CNTNAP4: variants seen among roughly 807,000 people sequenced by gnomAD.
CNTNAP4 encodes contactin-associated protein-like 4.
Under a neutral mutation model 148.4 loss-of-function variants are expected in CNTNAP4, and 98 were observed. The observed-to-expected ratio is 0.66, with a 90% CI of 0.56 to 0.78. The LOEUF (loss-of-function observed/expected upper bound fraction) is 0.78. CNTNAP4 is among the 30% of genes least tolerant of loss of function. The pLI is 0.00. For synonymous variants in CNTNAP4, 730 were observed against 565.1 expected (o/e 1.29, Z -4.14); for missense variants, 1,935 against 1,565.6 (o/e 1.24, Z -3.98).
At chr16:76,463,482 A>G (rs1032870759) in intron 9 of CNTNAP4, among the ~76,000 whole-genome samples, 2 of 152,212 alleles carry the variant, frequency 1.3e-5, no homozygotes, top group East Asian at 3.8e-4. Flanking sequence ...ATAGTAAAAT[A>G]TATCACACAT....
chr16:76,497,756 T>C (rs2082454389), intron 14 of CNTNAP4, among the ~76,000 whole-genome samples: 1 of 152,120 alleles, frequency 6.6e-6, no homozygotes, highest in Non-Finnish European at 1.5e-5. Flanking sequence ...GATGGGTTGA[T>C]GGGTGCAGCA....
chr16:76,456,890 T>G (rs991425067), intron 8 of CNTNAP4, among the ~76,000 whole-genome samples: 2 of 152,206 alleles, frequency 1.3e-5, no homozygotes, highest in African/African-American at 4.8e-5. Flanking sequence ...TAGTTTCTTT[T>G]CCTCTCTGAG....
At chr16:76,441,323 G>T (rs2080030303) in intron 4 of CNTNAP4, among the ~76,000 whole-genome samples, 1 of 152,096 alleles carries the variant, frequency 6.6e-6, no homozygotes, top group Non-Finnish European at 1.5e-5. Flanking sequence ...CACATTTCAA[G>T]AATACTACAT....
intron 21 of CNTNAP4, among the ~76,000 whole-genome samples, chr16:76,552,391 T>C (rs1472469218): frequency 1.3e-5 from 2 of 152,216 alleles, no homozygotes; most frequent in Non-Finnish European, 2.9e-5. Context: ...GGATGCATTG[T>C]ATTTTGATGA....
chr16:76,472,157 T>C lies in CNTNAP4; in HGVS notation c.1656-3782T>C, dbSNP rs577515608. Among the ~76,000 whole-genome samples, 529 of 152,068 alleles carry C rather than the reference T, an allele frequency of 3.5e-3. 10 individuals are homozygous for C. Among genetic ancestry groups the C allele is most frequent in the African/African-American group, 0.012 (508 of 41,404 alleles). On this transcript the variant is annotated intron_variant, in intron 10 of 23. Transcript: ENST00000611870. ...GGTTAATCAATTGTCTTATCTTGTA[T>C]TGGAGTGAGTAGGGAGGAGAAAAGT... is the stretch of plus-strand genomic sequence containing the variant.
chr16:76,502,968 C>T (rs1432143782), intron 15 of CNTNAP4, among the ~76,000 whole-genome samples: 2 of 152,062 alleles, frequency 1.3e-5, no homozygotes, highest in Non-Finnish European at 2.9e-5. Flanking sequence ...CTACTAGTAC[C>T]GGTTATGAGG....
chr16:76,425,667 C>T (rs776219529), intron 3 of CNTNAP4, among the ~76,000 whole-genome samples: 13 of 151,960 alleles, frequency 8.6e-5, no homozygotes, highest in Non-Finnish European at 1.6e-4. Context: ...TTAGTCAAAG[C>T]TTAAAAGGAC....
intron 3 of CNTNAP4, among the ~76,000 whole-genome samples, chr16:76,386,034 T>A (rs1013712358): frequency 2.0e-5 from 3 of 152,066 alleles, no homozygotes; most frequent in Non-Finnish European, 4.4e-5. Flanking sequence ...GAAGGCAGAG[T>A]GCCACCTTGT....
At chr16:76,360,185 G>T (rs2013231159) in intron 3 of CNTNAP4, among the ~76,000 whole-genome samples, 1 of 152,148 alleles carries the variant, frequency 6.6e-6, no homozygotes, top group Non-Finnish European at 1.5e-5. Flanking sequence ...CTAGTGTCAT[G>T]GTTCTGGGTT....
chr16:76,513,631 C>G (rs986766609), intron 15 of CNTNAP4, among the ~76,000 whole-genome samples: 4 of 151,976 alleles, frequency 2.6e-5, no homozygotes, highest in African/African-American at 4.8e-5. Context: ...ATTCAACATG[C>G]CAGATTACAA....
intron 4 of CNTNAP4, among the ~76,000 whole-genome samples, chr16:76,436,738 A>G (rs1373021488): frequency 6.6e-6 from 1 of 152,146 alleles, no homozygotes; most frequent in Non-Finnish European, 1.5e-5. Context: ...TGTCCAATGC[A>G]TTAATTTTGC....
chr16:76,522,701 C>CTTTTG lies in CNTNAP4; in HGVS notation c.2755+448_2755+449insGTTTT, dbSNP rs879904098. The stretch of plus-strand genomic sequence containing the variant: ...CTCTTTCTCTCCTTTCTTTTCTTTT[C>CTTTTG]TTTTCTTTTCTTTTCTTTTCTTTTC... On this transcript the variant is annotated intron_variant, in intron 17 of 23. Coordinates refer to ENST00000611870, the MANE Select transcript of CNTNAP4 (RefSeq NM_033401.5). 4.5e-4 allele frequency among the ~76,000 whole-genome samples: 10 copies of CTTTTG among 22,166 alleles called. 2 individuals are homozygous for CTTTTG. The South Asian group carries it at 0.016, about 36-fold the overall frequency. The allele number at this position is 22,166 out of a possible 152,430, so 14.5% of individuals were successfully genotyped here.
intron 2 of CNTNAP4, among the ~76,000 whole-genome samples, chr16:76,333,323 A>G (rs1352231059): frequency 1.3e-5 from 2 of 152,156 alleles, no homozygotes; most frequent in Admixed American, 6.5e-5. Context: ...TGCTCAATCT[A>G]TCTCTACATT....
At chr16:76,293,887 T>G (rs1959180595) in intron 1 of CNTNAP4, among the ~76,000 whole-genome samples, 1 of 151,538 alleles carries the variant, frequency 6.6e-6, no homozygotes, top group African/African-American at 2.4e-5. Flanking sequence ...TTTTTAGTAG[T>G]GTGGTTTGAA....
At chr16:76,495,450 A>G (rs1357312157) in intron 14 of CNTNAP4, among the ~76,000 whole-genome samples, 2 of 152,088 alleles carry the variant, frequency 1.3e-5, no homozygotes, top group Non-Finnish European at 2.9e-5. Context: ...ATCAACTTAG[A>G]ATTTACTACA....
chr16:76,466,674 A>G (rs1028911893), intron 9 of CNTNAP4, among the ~76,000 whole-genome samples: 15 of 152,046 alleles, frequency 9.9e-5, no homozygotes, highest in African/African-American at 1.9e-4. Flanking sequence ...TATTATTTAA[A>G]TAATTATAAA....
At chr16:76,289,498 T>G (rs1959023540) in intron 1 of CNTNAP4, among the ~76,000 whole-genome samples, 1 of 151,554 alleles carries the variant, frequency 6.6e-6, no homozygotes, top group South Asian at 2.1e-4. Context: ...TACAAACATA[T>G]GCAAGATGTT....
intron 17 of CNTNAP4, among the ~76,000 whole-genome samples, chr16:76,524,685 G>T (rs1458675695): frequency 6.6e-6 from 1 of 152,134 alleles, no homozygotes; most frequent in East Asian, 1.9e-4. Context: ...GGATCTGAAA[G>T]ATTTTGTCTT....
At chr16:76,289,581 GT>G (rs1555514297) in intron 1 of CNTNAP4, among the ~76,000 whole-genome samples, 1 of 139,512 alleles carries the variant, frequency 7.2e-6, no homozygotes, top group African/African-American at 2.7e-5. Context: ...TTTTCCGCCT[GT>G]TTTTTTTTGA....
Sources: allele counts gnomAD v4.1 joint callset (sites outside exome capture counted in the v4.1 genomes callset), GRCh38; gene constraint gnomAD v4.1.1; transcripts MANE v1.5; gene names NCBI Gene and HGNC (gene_info 2026-07-23, HGNC 2026-07-21).